IGF2BP2: variants seen among roughly 807,000 people sequenced by gnomAD.
IGF2BP2 encodes the protein insulin-like growth factor 2 mRNA-binding protein 2.
A neutral mutation model predicts 75.8 loss-of-function variants in IGF2BP2; 17 were observed. That is an observed-to-expected ratio of 0.22 (90% CI 0.15 to 0.34). IGF2BP2 has a LOEUF of 0.34. Ranked by LOEUF, IGF2BP2 falls within the 10% of genes least tolerant of loss-of-function variation. IGF2BP2 has a pLI of 1.00. For synonymous variants in IGF2BP2, 288 were observed against 295.6 expected, an observed-to-expected ratio of 0.97 and a Z score of 0.26; for missense variants, 516 against 772.4, an observed-to-expected ratio of 0.67 and a Z score of 3.93.
intron 2 of IGF2BP2, among the ~76,000 whole-genome samples, chr3:185,748,343 A>G (rs1421802238): frequency 6.6e-6 from 1 of 152,228 alleles, no homozygotes; most frequent in Non-Finnish European, 1.5e-5. Context: ...GTGTCAGTGA[A>G]CAAGTACTAC....
chr3:185,771,797 T>A (rs1733912595), intron 2 of IGF2BP2, among the ~76,000 whole-genome samples: 1 of 152,190 alleles, frequency 6.6e-6, no homozygotes. Context: ...ATTGCAACAC[T>A]TAGTCTTGGT....
intron 5 of IGF2BP2, among the ~76,000 whole-genome samples, chr3:185,692,185 A>G (rs1722035283): frequency 6.6e-6 from 1 of 152,214 alleles, no homozygotes; most frequent in Admixed American, 6.5e-5. Flanking sequence ...CTCTCAGACA[A>G]TTCTCTCGGC....
At position 185,769,945 on chromosome 3, in the gene IGF2BP2, A is replaced by T. The variant is rs932525333; in HGVS notation, c.239+53208T>A. On this transcript the variant is annotated intron_variant, in intron 2 of 15. Transcript: ENST00000382199. ...ATCTATTAGGCAAAATCCACAAACC[A>T]TCTTTTCACATTTTATCTCTAAAGA... is the stretch of plus-strand genomic sequence containing the variant. Among the ~76,000 whole-genome samples, 3 of 151,946 alleles carry T rather than the reference A, an allele frequency of 2.0e-5. No individual in the cohort carries two copies. The East Asian group carries it at 5.8e-4, about 29-fold the overall frequency.
intron 2 of IGF2BP2, among the ~76,000 whole-genome samples, chr3:185,763,871 T>C (rs1732703338): frequency 6.6e-6 from 1 of 152,048 alleles, no homozygotes; most frequent in African/African-American, 2.4e-5. Context: ...AGAAATCTGT[T>C]TGAAGGATGG....
intron 14 of IGF2BP2, among the ~76,000 whole-genome samples, chr3:185,648,957 C>T (rs1354547750): frequency 6.6e-6 from 1 of 151,116 alleles, no homozygotes; most frequent in Non-Finnish European, 1.5e-5. Flanking sequence ...GGGCACAGGC[C>T]TGAGTGAAAT....
intron 2 of IGF2BP2, among the ~76,000 whole-genome samples, chr3:185,761,646 C>A (rs1732384953): frequency 6.6e-6 from 1 of 152,144 alleles, no homozygotes; most frequent in Non-Finnish European, 1.5e-5. Flanking sequence ...GATATTAATT[C>A]CTCCCCTGAT....
In IGF2BP2 at chr3:185,689,638, G is replaced by A. The variant is rs931562523; in HGVS notation, c.405-11C>T. ...AGCTTCTCCATGGCTCTGAAATGCA[G>A]CAGGACAGGGGAGCTTCGTCAGAAA... On this transcript the variant is annotated splice_polypyrimidine_tract_variant and intron_variant, in intron 5 of 15. Coordinates refer to ENST00000382199, the MANE Select transcript of IGF2BP2 (RefSeq NM_006548.6). 5 of 1,613,982 alleles carry A rather than the reference G, an allele frequency of 3.1e-6. No homozygotes were observed. The highest frequency in any genetic ancestry group is 4.2e-6 in the Non-Finnish European group (5 of 1,179,902).
chr3:185,806,387 C>T (rs1560500900), intron 2 of IGF2BP2, among the ~76,000 whole-genome samples: 2 of 152,094 alleles, frequency 1.3e-5, no homozygotes, highest in Admixed American at 6.5e-5. Context: ...AAAAAAGCAT[C>T]TATCTATCCT....
At chr3:185,725,905 A>T (rs1262006641) in intron 2 of IGF2BP2, among the ~76,000 whole-genome samples, 1 of 152,236 alleles carries the variant, frequency 6.6e-6, no homozygotes, top group Non-Finnish European at 1.5e-5. Flanking sequence ...TTGAAGCTAC[A>T]GTAAGCCATG....
intron 10 of IGF2BP2, among the ~76,000 whole-genome samples, chr3:185,670,625 G>A (rs1718365364): frequency 6.6e-6 from 1 of 152,148 alleles, no homozygotes; most frequent in Non-Finnish European, 1.5e-5. Context: ...CTGGAGTGCA[G>A]TGCCACGATC....
chr3:185,664,934 T>A (rs1717051306), intron 10 of IGF2BP2, among the ~76,000 whole-genome samples: 1 of 151,918 alleles, frequency 6.6e-6, no homozygotes, highest in African/African-American at 2.4e-5. Flanking sequence ...ATCAAAGCAC[T>A]CAGATTCAGA....
intron 2 of IGF2BP2, among the ~76,000 whole-genome samples, chr3:185,793,551 G>C (rs1276995770): frequency 6.6e-6 from 1 of 151,934 alleles, no homozygotes; most frequent in Non-Finnish European, 1.5e-5. Context: ...AAACCTCAGG[G>C]GACAGATTAA....
chr3:185,691,898 C>T (rs1205737654), intron 5 of IGF2BP2, among the ~76,000 whole-genome samples: 1 of 152,128 alleles, frequency 6.6e-6, no homozygotes, highest in African/African-American at 2.4e-5. Flanking sequence ...CCATTCCCAG[C>T]TAATTTTTAA....
At chr3:185,718,563 T>C (rs1726006887) in intron 2 of IGF2BP2, among the ~76,000 whole-genome samples, 1 of 151,274 alleles carries the variant, frequency 6.6e-6, no homozygotes, top group African/African-American at 2.4e-5. Flanking sequence ...CACGTGCCTA[T>C]GGTCTCAGCT....
At chr3:185,783,271 T>C (rs1305247449) in intron 2 of IGF2BP2, among the ~76,000 whole-genome samples, 1 of 152,176 alleles carries the variant, frequency 6.6e-6, no homozygotes, top group Non-Finnish European at 1.5e-5. Flanking sequence ...GAAAATAGAT[T>C]GAAGCCTCTG....
intron 2 of IGF2BP2, among the ~76,000 whole-genome samples, chr3:185,800,444 TAAA>T (rs547569788): frequency 6.6e-6 from 1 of 151,400 alleles, no homozygotes; most frequent in Non-Finnish European, 1.5e-5. Context: ...ATAATAAAAA[TAAA>T]AAAAAGTACT....
intron 2 of IGF2BP2, among the ~76,000 whole-genome samples, chr3:185,745,926 A>T (rs1228601481): frequency 6.6e-6 from 1 of 152,154 alleles, no homozygotes; most frequent in Non-Finnish European, 1.5e-5. Context: ...GGGTGGTCTG[A>T]AAGTTTTCTT....
chr3:185,716,472 T>C, intron 2 of IGF2BP2: 1 of 519,904 alleles, frequency 1.9e-6, no homozygotes, highest in Non-Finnish European at 3.8e-6. Flanking sequence ...AGGTCTCTTC[T>C]TATGTCTCTG....
chr3:185,771,874 A>G (rs1260787084), intron 2 of IGF2BP2, among the ~76,000 whole-genome samples: 1 of 152,174 alleles, frequency 6.6e-6, no homozygotes, highest in East Asian at 1.9e-4. Context: ...GAGGCTATGC[A>G]GCTCACACGG....
Sources: gnomAD v4.1 joint callset for allele counts (sites outside exome capture counted in the v4.1 genomes callset) on GRCh38, gnomAD v4.1.1 for gene constraint, MANE v1.5 for transcripts, NCBI Gene and HGNC (gene_info 2026-07-23, HGNC 2026-07-21) for gene names.